The following RPS6KA2 variants were observed in gnomAD, a reference collection of about 807,000 sequenced individuals.
RPS6KA2 encodes the protein ribosomal protein S6 kinase A2.
A neutral mutation model predicts 91.8 loss-of-function variants in RPS6KA2; 42 were observed. That is an observed-to-expected ratio of 0.46 (90% CI 0.36 to 0.59). The LOEUF (loss-of-function observed/expected upper bound fraction) is 0.59, where lower values mean the gene tolerates loss of function less well. Ranked by LOEUF, RPS6KA2 falls within the 20% of genes least tolerant of loss-of-function variation. The pLI, the probability that RPS6KA2 is intolerant of heterozygous loss-of-function variation, is 0.00. For missense variants in RPS6KA2, 798 were observed against 978.5 expected (o/e 0.82, Z 2.46); for synonymous variants, 414 against 393.6 (o/e 1.05, Z -0.61).
chr6:166,851,607 C>T (rs562921642), intron 2 of RPS6KA2, among the ~76,000 whole-genome samples: 1 of 152,296 alleles, frequency 6.6e-6, no homozygotes, highest in Admixed American at 6.5e-5. Context: ...TCCAGGCTCC[C>T]GATTTGGTGC....
At chr6:166,646,816 C>T (rs1431033557) in intron 2 of RPS6KA2, among the ~76,000 whole-genome samples, 1 of 152,214 alleles carries the variant, frequency 6.6e-6, no homozygotes, top group African/African-American at 2.4e-5. Context: ...GCATCTCCTG[C>T]TCCATTCTAA....
In RPS6KA2 at chr6:166,582,476, T is replaced by C. The variant is rs150395191; in HGVS notation, c.100-43692A>G. ...CATGACCTCATTAGTTGGGCGGAGA[T>C]GAATATGCAGCCATTTTACGATCAC... On this transcript the variant is annotated intron_variant, in intron 1 of 20. Transcript: ENST00000265678. Among the ~76,000 whole-genome samples, 15 of 152,310 alleles carry C rather than the reference T, an allele frequency of 9.8e-5. No individual in the cohort carries two copies. The East Asian group carries it at 2.9e-3, about 29-fold the overall frequency.
In RPS6KA2 at chr6:166,419,187, C is replaced by T. The variant is rs573991962; in HGVS notation, c.1820+695G>A. ...CCATTTTGCTACAGCAAACAGGATTCGATGGTCTAGGGTTCTTTTCTTTTT... is the reference window on the plus strand; with the variant it reads ...CCATTTTGCTACAGCAAACAGGATTTGATGGTCTAGGGTTCTTTTCTTTTT... On this transcript the variant is annotated intron_variant, in intron 18 of 20. Coordinates refer to ENST00000265678, the MANE Select transcript of RPS6KA2 (RefSeq NM_021135.6). This position sits in a 1 kb window ranked among gnomAD's most constrained non-coding sequence, Gnocchi z 5.6. 2.2e-3 allele frequency among the ~76,000 whole-genome samples: 336 copies of T among 152,304 alleles called. 2 individuals are homozygous for T. The highest frequency in any genetic ancestry group is 4.1e-3 in the Non-Finnish European group (276 of 68,024).
chr6:166,858,946 C>G (rs1282421100), intron 1 of RPS6KA2, among the ~76,000 whole-genome samples: 1 of 149,576 alleles, frequency 6.7e-6, no homozygotes, highest in Non-Finnish European at 1.5e-5. Flanking sequence ...GGCTGCCATG[C>G]AGCAGACACG....
chr6:166,428,718 T>C (rs1779014776), intron 16 of RPS6KA2, among the ~76,000 whole-genome samples: 1 of 152,140 alleles, frequency 6.6e-6, no homozygotes, highest in African/African-American at 2.4e-5. Flanking sequence ...TCACCATCAC[T>C]GGCCATCAGA....
chr6:166,804,826 C>G (rs1466547858), intron 2 of RPS6KA2, among the ~76,000 whole-genome samples: 2 of 152,106 alleles, frequency 1.3e-5, no homozygotes, highest in Admixed American at 6.5e-5. Context: ...GACATATGAT[C>G]TGGATTGACA....
In RPS6KA2 at chr6:166,592,769, C is replaced by A. The variant is rs1785399214; in HGVS notation, c.99+34152G>T. On this transcript the variant is annotated intron_variant, in intron 1 of 20. Transcript: ENST00000265678. ...CATTCTACAGGGCAACGGCTCTTGG[C>A]TATGTCTACTGTGACTCAAAGAACA... Among the ~76,000 whole-genome samples the A allele has an allele frequency of 5.9e-5, 9 of 152,254 alleles. No individual in the cohort carries two copies. The South Asian group carries it at 1.9e-3, about 32-fold the overall frequency.
intron 2 of RPS6KA2, among the ~76,000 whole-genome samples, chr6:166,671,529 G>C (rs1359614712): frequency 6.6e-6 from 1 of 152,118 alleles, no homozygotes; most frequent in Non-Finnish European, 1.5e-5. Context: ...CATGATCAAA[G>C]TACAGACACT....
At chr6:166,567,999 G>A (rs1784553219) in intron 1 of RPS6KA2, among the ~76,000 whole-genome samples, 1 of 152,160 alleles carries the variant, frequency 6.6e-6, no homozygotes, top group African/African-American at 2.4e-5. Context: ...TCCTCCTCCT[G>A]GGAAACATCC....
At chr6:166,594,229 A>AT (rs1430269399) in intron 1 of RPS6KA2, among the ~76,000 whole-genome samples, 2 of 152,212 alleles carry the variant, frequency 1.3e-5, no homozygotes, top group Non-Finnish European at 2.9e-5. Context: ...GGTGATTCAA[A>AT]TTTTTAAAGA....
At chr6:166,420,270 A>C (rs994059053) in intron 17 of RPS6KA2, among the ~76,000 whole-genome samples, 1 of 152,234 alleles carries the variant, frequency 6.6e-6, no homozygotes, top group Non-Finnish European at 1.5e-5. Flanking sequence ...CATAAAATTG[A>C]CCATCAAAGC....
chr6:166,437,882 T>C lies in RPS6KA2; in HGVS notation c.1333-5392A>G, dbSNP rs1452694607. Among the ~76,000 whole-genome samples the C allele has an allele frequency of 6.6e-6, 1 of 152,188 alleles. No homozygotes were observed. Among genetic ancestry groups the C allele is most frequent in the African/African-American group, 2.4e-5 (1 of 41,408 alleles). ...GCTCTCGATACACCTTTCTGGTCTTTGCGTTTCTCTACCTTCCCTGTCTTT... is the reference window on the plus strand; with the variant it reads ...GCTCTCGATACACCTTTCTGGTCTTCGCGTTTCTCTACCTTCCCTGTCTTT... On this transcript the variant is annotated intron_variant, in intron 14 of 20. Coordinates refer to ENST00000265678, the MANE Select transcript of RPS6KA2 (RefSeq NM_021135.6). The surrounding 1 kb of genome is among the most constrained non-coding windows in gnomAD (Gnocchi z 4.3).
At chr6:166,569,525 C>T (rs913405916) in intron 1 of RPS6KA2, among the ~76,000 whole-genome samples, 30 of 151,554 alleles carry the variant, frequency 2.0e-4, no homozygotes, top group African/African-American at 5.6e-4. Flanking sequence ...CTGCTGGGGC[C>T]GCCCTGGAAA....
chr6:166,698,667 G>A (rs77257429), intron 2 of RPS6KA2, among the ~76,000 whole-genome samples: 10,878 of 152,204 alleles, frequency 0.071, 497 homozygotes, highest in African/African-American at 0.11. Context: ...GGCAACTTCC[G>A]TTGAATATTG....
intron 2 of RPS6KA2, among the ~76,000 whole-genome samples, chr6:166,755,895 C>G (rs185259260): frequency 1.4e-4 from 21 of 152,152 alleles, no homozygotes; most frequent in African/African-American, 5.1e-4. Context: ...GTGCTTGTCA[C>G]GTGTGGATAA....
intron 12 of RPS6KA2, among the ~76,000 whole-genome samples, chr6:166,454,840 T>A (rs1251284541): frequency 6.6e-6 from 1 of 150,834 alleles, no homozygotes; most frequent in African/African-American, 2.4e-5. Context: ...AAAAATTAAA[T>A]ATATTTTAAT....
intron 16 of RPS6KA2, among the ~76,000 whole-genome samples, chr6:166,428,234 G>A (rs759913125): frequency 0.035 from 5,356 of 151,238 alleles, 119 homozygotes; most frequent in Middle Eastern, 0.075. Flanking sequence ...ATGGTGCTGG[G>A]AAAACTGGCT....
intron 2 of RPS6KA2, among the ~76,000 whole-genome samples, chr6:166,754,880 TCAGGCCCTGCC>T: frequency 6.6e-6 from 1 of 152,140 alleles, no homozygotes; most frequent in Middle Eastern, 3.2e-3. Flanking sequence ...GGCGGCGGGT[TCAGGCCCTGCC>T]CTGTCGCTCA....
intron 2 of RPS6KA2, among the ~76,000 whole-genome samples, chr6:166,828,786 C>T (rs962927786): frequency 4.6e-5 from 7 of 152,088 alleles, no homozygotes; most frequent in African/African-American, 4.8e-5. Flanking sequence ...TTGGATATGA[C>T]GTCAAAGGCA....
Sources: allele counts gnomAD v4.1 joint callset (sites outside exome capture counted in the v4.1 genomes callset), GRCh38; gene constraint gnomAD v4.1.1; non-coding constraint Gnocchi (gnomAD v3.1); transcripts MANE v1.5; gene names NCBI Gene and HGNC (gene_info 2026-07-23, HGNC 2026-07-21).